Variants in SLC38A6 observed in about 807,000 individuals in gnomAD.
SLC38A6 encodes N system amino acid transporter NAT-1.
A neutral mutation model predicts 65.0 loss-of-function variants in SLC38A6; 73 were observed. The observed-to-expected ratio is 1.12, with a 90% CI of 0.93 to 1.37. The LOEUF (loss-of-function observed/expected upper bound fraction) is 1.37. Among genes scored for constraint, SLC38A6 ranks in the 40% most tolerant of loss-of-function variants. SLC38A6 has a pLI of 0.00. For synonymous variants in SLC38A6, 183 were observed against 178.8 expected, an observed-to-expected ratio of 1.02 and a Z score of -0.19; for missense variants, 561 against 531.1, an observed-to-expected ratio of 1.06 and a Z score of -0.55.
intron 3 of SLC38A6, among the ~76,000 whole-genome samples, chr14:61,012,453 T>A (rs7140600): frequency 1.3e-5 from 2 of 151,928 alleles, no homozygotes; most frequent in East Asian, 3.9e-4. Context: ...CTCTTGCTTC[T>A]CTAGTTCTTT....
intron 12 of SLC38A6, among the ~76,000 whole-genome samples, chr14:61,046,632 A>G (rs79093961): frequency 0.012 from 1,849 of 152,296 alleles, 26 homozygotes; most frequent in African/African-American, 0.036. Flanking sequence ...TTCAGATCTA[A>G]TTATCACAGG....
intron 3 of SLC38A6, among the ~76,000 whole-genome samples, chr14:60,989,089 T>C (rs1299208022): frequency 6.6e-6 from 1 of 152,208 alleles, no homozygotes; most frequent in Non-Finnish European, 1.5e-5. Flanking sequence ...ATAACTGATA[T>C]TCTTCGCTTT....
intron 3 of SLC38A6, among the ~76,000 whole-genome samples, chr14:60,999,600 T>C (rs2038557207): frequency 6.6e-6 from 1 of 152,194 alleles, no homozygotes; most frequent in Admixed American, 6.5e-5. Flanking sequence ...CCTGTAATTG[T>C]TACCTTATAT....
chr14:61,018,399 C>T (rs1342022867), intron 4 of SLC38A6, among the ~76,000 whole-genome samples: 2 of 152,182 alleles, frequency 1.3e-5, no homozygotes, highest in African/African-American at 4.8e-5. Context: ...AGACACTTTG[C>T]CAGATTTTCA....
exon 17 of SLC38A6, chr14:61,083,647 A>C (rs1240823752): frequency 6.4e-7 from 1 of 1,550,456 alleles, no homozygotes; most frequent in East Asian, 2.4e-5. Context: ...AAGAGGCCTC[A>C]GGAGAACCAA....
chr14:61,061,681 C>T (rs538108954), intron 15 of SLC38A6, among the ~76,000 whole-genome samples: 2 of 152,284 alleles, frequency 1.3e-5, no homozygotes, highest in East Asian at 1.9e-4. Context: ...GGCTTAATAG[C>T]TCCTTTCTTT....
In SLC38A6 at chr14:61,014,733, G is replaced by A. The variant is rs148036951; in HGVS notation, c.311-1171G>A. 4.3e-4 allele frequency among the ~76,000 whole-genome samples: 66 copies of A among 152,258 alleles called. 1 individual carries two copies. In the East Asian group the frequency reaches 0.011, roughly 25 times the overall value. The stretch of plus-strand genomic sequence containing the variant: ...GAACAGCAAATGTTGCTGCCTGATC[G>A]TTCCTCTGGAAGTTTTGTCTCAGAG... On this transcript the variant is annotated intron_variant, in intron 3 of 15. Transcript: ENST00000267488.
chr14:60,990,318 ATCTCT>A (rs1193727468), intron 3 of SLC38A6, among the ~76,000 whole-genome samples: 3 of 152,036 alleles, frequency 2.0e-5, no homozygotes, highest in Non-Finnish European at 4.4e-5. Flanking sequence ...GGTGTGAGTG[ATCTCT>A]TTTCTTTTAC....
intron 6 of SLC38A6, among the ~76,000 whole-genome samples, chr14:61,035,225 G>A (rs1045773283): frequency 4.0e-5 from 6 of 151,880 alleles, no homozygotes; most frequent in South Asian, 4.1e-4. Flanking sequence ...TGACAGCTAC[G>A]ATAAAGAAAA....
intron 16 of SLC38A6, chr14:61,083,449 C>G (rs2043735787): frequency 6.9e-7 from 1 of 1,456,902 alleles, no homozygotes; most frequent in Non-Finnish European, 9.1e-7. Context: ...TCCCCAGGAC[C>G]TCAGAATGCA....
At chr14:61,028,348 A>G (rs1221262829) in intron 5 of SLC38A6, among the ~76,000 whole-genome samples, 1 of 152,158 alleles carries the variant, frequency 6.6e-6, no homozygotes, top group Non-Finnish European at 1.5e-5. Flanking sequence ...CCTTGTTTTC[A>G]AAGTATTTTG....
chr14:61,016,080 AG>A (rs1452184976), intron 4 of SLC38A6, 124 bp downstream of exon 4: 3 of 585,616 alleles, frequency 5.1e-6, no homozygotes, highest in African/African-American at 1.9e-5. Flanking sequence ...AACTAAAGTG[AG>A]AAAAGAGAGA....
chr14:60,981,454 C>T (rs775082185), intron 1 of SLC38A6, 72 bp downstream of exon 1: 8 of 1,545,544 alleles, frequency 5.2e-6, no homozygotes, highest in Middle Eastern at 3.3e-4. Context: ...AAATAAGACC[C>T]AGAAAAGGAG....
intron 8 of SLC38A6, 112 bp downstream of exon 8, chr14:61,037,795 C>A: frequency 1.5e-6 from 1 of 665,710 alleles, no homozygotes; most frequent in Non-Finnish European, 2.5e-6. Context: ...CATTTTATTT[C>A]ACTGTGTTAT....
downstream of SLC38A6, among the ~76,000 whole-genome samples, chr14:61,054,834 A>G (rs1381631200): frequency 6.6e-6 from 1 of 152,122 alleles, no homozygotes; most frequent in Non-Finnish European, 1.5e-5. Flanking sequence ...CTCTCTTCCT[A>G]TTTGGATGTC....
At chr14:61,028,658 A>C (rs1282370443) in intron 5 of SLC38A6, among the ~76,000 whole-genome samples, 1 of 152,136 alleles carries the variant, frequency 6.6e-6, no homozygotes, top group Non-Finnish European at 1.5e-5. Flanking sequence ...GTCTCAGTGG[A>C]TTTTAGTCAA....
chr14:61,070,574 C>T (rs1217287560), intron 15 of SLC38A6, among the ~76,000 whole-genome samples: 1 of 152,116 alleles, frequency 6.6e-6, no homozygotes, highest in African/African-American at 2.4e-5. Context: ...TTTAAATATC[C>T]AGAAGTGAGA....
chr14:61,078,083 G>A (rs1383278847), intron 15 of SLC38A6, among the ~76,000 whole-genome samples: 1 of 152,196 alleles, frequency 6.6e-6, no homozygotes, highest in Non-Finnish European at 1.5e-5. Context: ...CAATACCTGG[G>A]ACGGTAATAC....
chr14:61,034,610 G>C (rs184659334), intron 6 of SLC38A6, among the ~76,000 whole-genome samples: 1 of 152,146 alleles, frequency 6.6e-6, no homozygotes, highest in Non-Finnish European at 1.5e-5. Flanking sequence ...TTGGTTGCCA[G>C]GTGTTCCTCA....
Sources: gnomAD v4.1 joint callset for allele counts (sites outside exome capture counted in the v4.1 genomes callset) on GRCh38, gnomAD v4.1.1 for gene constraint, MANE v1.5 for transcripts, NCBI Gene and HGNC (gene_info 2026-07-23, HGNC 2026-07-21) for gene names.